HYCC1: variants seen among roughly 807,000 people sequenced by gnomAD.
HYCC1 encodes hyccin.
At chr7:22,901,373 A>T in the HYCC1 span, among the ~76,000 whole-genome samples, 1 of 152,036 alleles carries the variant, frequency 6.6e-6, no homozygotes, top group East Asian at 1.9e-4. Context: ...AGAATGAAAG[A>T]TTTAAGCCCT....
At chr7:22,945,747 C>G in the HYCC1 span, 1 of 1,613,836 alleles carries the variant, frequency 6.2e-7, no homozygotes, top group African/African-American at 1.3e-5. Context: ...CCACAACCAA[C>G]AGCAGATGAC....
At chr7:22,961,323 CTA>C in the HYCC1 span, 1 of 1,500,700 alleles carries the variant, frequency 6.7e-7, no homozygotes, top group Non-Finnish European at 9.3e-7. Flanking sequence ...TCCATTATAA[CTA>C]TAAAATTAGA....
chr7:22,970,907 G>A, the HYCC1 span, among the ~76,000 whole-genome samples: 1 of 152,158 alleles, frequency 6.6e-6, no homozygotes, highest in Non-Finnish European at 1.5e-5. Flanking sequence ...ATAAGGGTAT[G>A]TCCTTACAAA....
At chr7:23,008,906 T>C in the HYCC1 span, among the ~76,000 whole-genome samples, 9 of 152,126 alleles carry the variant, frequency 5.9e-5, no homozygotes, top group South Asian at 1.7e-3. Context: ...CAGAGGTGAA[T>C]AGTCACATAA....
At chr7:23,004,874 T>C in the HYCC1 span, among the ~76,000 whole-genome samples, 1 of 152,140 alleles carries the variant, frequency 6.6e-6, no homozygotes, top group Non-Finnish European at 1.5e-5. Flanking sequence ...GGTGCAATCT[T>C]GGCTCACTGC....
the HYCC1 span, among the ~76,000 whole-genome samples, chr7:22,915,312 A>G: frequency 6.6e-6 from 1 of 152,226 alleles, no homozygotes; most frequent in Non-Finnish European, 1.5e-5. Flanking sequence ...ACACATCTCC[A>G]GCACAAAAGA....
the HYCC1 span, among the ~76,000 whole-genome samples, chr7:23,002,136 G>GTATA: frequency 4.3e-3 from 330 of 76,480 alleles, 3 homozygotes; most frequent in Non-Finnish European, 5.6e-3. Context: ...GGTAAAAATT[G>GTATA]TATATATATA....
the HYCC1 span, among the ~76,000 whole-genome samples, chr7:23,006,502 CGT>C: frequency 6.6e-6 from 1 of 152,048 alleles, no homozygotes; most frequent in Non-Finnish European, 1.5e-5. Flanking sequence ...CTCTTGACCT[CGT>C]GATCCACCCA....
chr7:22,980,106 A>G, the HYCC1 span, among the ~76,000 whole-genome samples: 1 of 152,136 alleles, frequency 6.6e-6, no homozygotes, highest in South Asian at 2.1e-4. Flanking sequence ...GGAGCCAGGT[A>G]TTTTGACTTC....
chr7:22,949,386 A>G, the HYCC1 span, among the ~76,000 whole-genome samples: 5 of 152,200 alleles, frequency 3.3e-5, no homozygotes, highest in East Asian at 9.7e-4. Flanking sequence ...AACATACTAT[A>G]AATACTAACT....
the HYCC1 span, among the ~76,000 whole-genome samples, chr7:22,973,683 C>G: frequency 6.6e-6 from 1 of 152,048 alleles, no homozygotes; most frequent in African/African-American, 2.4e-5. Flanking sequence ...GGCCAAAATC[C>G]TATAGCTAGT....
the HYCC1 span, among the ~76,000 whole-genome samples, chr7:22,964,943 G>A: frequency 1.3e-5 from 2 of 152,020 alleles, no homozygotes; most frequent in South Asian, 2.1e-4. Context: ...AGACCAGCCT[G>A]GTCAATATGG....
the HYCC1 span, among the ~76,000 whole-genome samples, chr7:22,956,748 T>C: frequency 6.6e-6 from 1 of 151,720 alleles, no homozygotes; most frequent in East Asian, 1.9e-4. Context: ...ATTTGGCTGT[T>C]AACCTAAAAC....
At chr7:22,989,441 G>C in the HYCC1 span, among the ~76,000 whole-genome samples, 1 of 152,060 alleles carries the variant, frequency 6.6e-6, no homozygotes, top group Non-Finnish European at 1.5e-5. Context: ...TTGAATTCCT[G>C]GGCTCAAGTG....
At chr7:22,910,471 T>A in the HYCC1 span, among the ~76,000 whole-genome samples, 1 of 152,182 alleles carries the variant, frequency 6.6e-6, no homozygotes, top group Non-Finnish European at 1.5e-5. Flanking sequence ...CAAATAAACC[T>A]TTTTCTTTAA....
chr7:22,951,033 A>G, the HYCC1 span, among the ~76,000 whole-genome samples: 478 of 152,064 alleles, frequency 3.1e-3, 3 homozygotes, highest in African/African-American at 0.011. Flanking sequence ...TGTAGAAATG[A>G]AAGTTAAAGA....
At chr7:22,987,289 G>A in the HYCC1 span, among the ~76,000 whole-genome samples, 37,908 of 152,268 alleles carry the variant, frequency 0.25, 5,342 homozygotes, top group Non-Finnish European at 0.32. Flanking sequence ...GCTCACGCCT[G>A]TAATCCCAAC....
chr7:22,931,599 A>G, the HYCC1 span, among the ~76,000 whole-genome samples: 1 of 152,302 alleles, frequency 6.6e-6, no homozygotes, highest in Admixed American at 6.5e-5. Flanking sequence ...TATGGGCATT[A>G]AAGGTGATTT....
chr7:22,904,291 C>T, the HYCC1 span, among the ~76,000 whole-genome samples: 2 of 151,740 alleles, frequency 1.3e-5, no homozygotes, highest in South Asian at 2.1e-4. Flanking sequence ...CTTAGCCGGG[C>T]GTGGTGGCAG....
Sources: allele counts gnomAD v4.1 joint callset (sites outside exome capture counted in the v4.1 genomes callset), GRCh38; gene constraint gnomAD v4.1.1; transcripts MANE v1.5; gene names NCBI Gene and HGNC (gene_info 2026-07-23, HGNC 2026-07-21).